Variants in B3GNT2 observed in about 807,000 individuals in gnomAD.
B3GNT2 encodes the protein N-acetyllactosaminide beta-1,3-N-acetylglucosaminyltransferase 2.
A neutral mutation model predicts 27.6 loss-of-function variants in B3GNT2; 12 were observed. The ratio of observed to expected loss-of-function variants is 0.44; its 90% CI spans 0.28 to 0.71. The LOEUF (loss-of-function observed/expected upper bound fraction) is 0.71. B3GNT2 is among the 30% of genes least tolerant of loss of function. The probability of loss-of-function intolerance (pLI) is 0.17; values close to 1 mark genes in which losing one functional copy is unlikely to be tolerated. For missense variants in B3GNT2, 413 were observed against 488.5 expected (o/e 0.85, Z 1.46); for synonymous variants, 192 against 189.7 (o/e 1.01, Z -0.10).
intron 1 of B3GNT2, among the ~76,000 whole-genome samples, chr2:62,218,117 G>C (rs918575739): frequency 3.3e-5 from 5 of 152,178 alleles, no homozygotes; most frequent in Non-Finnish European, 7.3e-5. Flanking sequence ...GCTGAAGAAA[G>C]GACATTGGAA....
chr2:62,209,378 T>A lies in B3GNT2; in HGVS notation c.-9-12834T>A, dbSNP rs148917922. ...GCTGTAAAAGAGATATTAGAGTGGA[T>A]GGTCTGTAAGGCCCTGGGAAAGAAA... On this transcript the variant is annotated intron_variant, in intron 1 of 1. Coordinates refer to ENST00000301998, the MANE Select transcript of B3GNT2 (RefSeq NM_006577.6). Among the ~76,000 whole-genome samples, 386 of 152,270 alleles carry A rather than the reference T, an allele frequency of 2.5e-3. 1 individual carries two copies. The highest frequency in any genetic ancestry group is 9.0e-3 in the African/African-American group (376 of 41,548).
intron 1 of B3GNT2, among the ~76,000 whole-genome samples, chr2:62,207,459 T>G (rs1328621094): frequency 2.6e-5 from 4 of 152,090 alleles, no homozygotes; most frequent in Non-Finnish European, 2.9e-5. Context: ...AGGCAGTGGT[T>G]GTTTTGAAAG....
rs1214945303 is a variant in B3GNT2 at position 62,224,175 on chromosome 2, G to A, written c.*761G>A. 1 of 167,028 alleles carries A rather than the reference G, an allele frequency of 6.0e-6. No individual in the cohort carries two copies. Among genetic ancestry groups the A allele is most frequent in the Non-Finnish European group, 1.5e-5 (1 of 68,106 alleles). The allele number at this position is 167,028 out of a possible 1,614,324, so 10.3% of individuals were successfully genotyped here. A position where few individuals can be genotyped will look rare whatever the true frequency, so the allele number is the denominator to read the frequency against. On this transcript the variant is annotated 3_prime_UTR_variant, in exon 2 of 2. Transcript: ENST00000301998. ...ATGGCCAACTGAAGATTGAATTGCCGCTAACAACCATATCGTGTTAGTGAA... is the reference window on the plus strand; with the variant it reads ...ATGGCCAACTGAAGATTGAATTGCCACTAACAACCATATCGTGTTAGTGAA...
At chr2:62,202,895 C>T (rs929586521) in intron 1 of B3GNT2, among the ~76,000 whole-genome samples, 1 of 152,184 alleles carries the variant, frequency 6.6e-6, no homozygotes, top group African/African-American at 2.4e-5. Context: ...TCACTCCAGG[C>T]ACAAGGCCCC....
rs1271235668 is a variant in B3GNT2, at chr2:62,223,755, C to T, written c.*341C>T. On this transcript the variant is annotated 3_prime_UTR_variant, in exon 2 of 2. Coordinates refer to ENST00000301998, the MANE Select transcript of B3GNT2 (RefSeq NM_006577.6). ...CCCTCTTCTATAATATTCCTACTTCCCATAATAATGACTGATTTATTTGTA... is the reference window on the plus strand; with the variant it reads ...CCCTCTTCTATAATATTCCTACTTCTCATAATAATGACTGATTTATTTGTA... The T allele has an allele frequency of 5.0e-6, 1 of 199,896 alleles. No individual in the cohort carries two copies. Among genetic ancestry groups the T allele is most frequent in the Non-Finnish European group, 1.1e-5 (1 of 89,312 alleles). The allele number at this position is 199,896 out of a possible 1,614,324, so 12.4% of individuals were successfully genotyped here. A position where few individuals can be genotyped will look rare whatever the true frequency, so the allele number is the denominator to read the frequency against.
intron 1 of B3GNT2, among the ~76,000 whole-genome samples, chr2:62,217,343 C>T (rs1674594891): frequency 6.6e-6 from 1 of 152,204 alleles, no homozygotes; most frequent in Non-Finnish European, 1.5e-5. Flanking sequence ...AGCTGTGTGA[C>T]ATTGGACAAG....
At chr2:62,217,373 AC>A (rs1475460623) in intron 1 of B3GNT2, among the ~76,000 whole-genome samples, 1 of 151,928 alleles carries the variant, frequency 6.6e-6, no homozygotes, top group Non-Finnish European at 1.5e-5. Context: ...TTGTCCACCC[AC>A]CCCGTGCCCC....
At chr2:62,209,438 C>T (rs1674439597) in intron 1 of B3GNT2, among the ~76,000 whole-genome samples, 1 of 152,044 alleles carries the variant, frequency 6.6e-6, no homozygotes, top group Non-Finnish European at 1.5e-5. Flanking sequence ...GAAATTGGGT[C>T]ACAATCTATG....
chr2:62,223,117 C>T lies in B3GNT2; in HGVS notation c.897C>T (p.Leu299=), dbSNP rs988654547. 10 of 1,614,096 alleles carry T rather than the reference C, an allele frequency of 6.2e-6. No homozygotes were observed. The highest frequency in any genetic ancestry group is 8.5e-6 in the Non-Finnish European group (10 of 1,180,036). Residue 299 remains leucine, a synonymous_variant, in exon 2 of 2, where the codon CTC becomes CTT. Transcript: ENST00000301998. ...TCCCAGAAGTTGTTTACTCTGGCCT[C>T]TACCCACCCTATGCAGGGGGAGGGG... ...YYIPEVVYSG[L]YPPYAGGGGF...
chr2:62,202,323 A>C (rs938834172), intron 1 of B3GNT2, among the ~76,000 whole-genome samples: 1 of 152,238 alleles, frequency 6.6e-6, no homozygotes, highest in African/African-American at 2.4e-5. Flanking sequence ...ATAACATTTC[A>C]GAGGCAGAGA....
At chr2:62,203,241 T>G (rs932471221) in intron 1 of B3GNT2, among the ~76,000 whole-genome samples, 2 of 151,948 alleles carry the variant, frequency 1.3e-5, no homozygotes, top group African/African-American at 4.8e-5. Context: ...TGTATGTGTG[T>G]TGTTTGGAAG....
chr2:62,210,605 C>G (rs1406607422), intron 1 of B3GNT2, among the ~76,000 whole-genome samples: 1 of 151,924 alleles, frequency 6.6e-6, no homozygotes, highest in Non-Finnish European at 1.5e-5. Context: ...CCCATCTCTA[C>G]TAAATAATAC....
At chr2:62,197,829 G>A (rs1273650264) in intron 1 of B3GNT2, among the ~76,000 whole-genome samples, 1 of 152,228 alleles carries the variant, frequency 6.6e-6, no homozygotes, top group Non-Finnish European at 1.5e-5. Flanking sequence ...CCGGAGGGAG[G>A]ACCGGCAGGG....
intron 1 of B3GNT2, among the ~76,000 whole-genome samples, chr2:62,216,985 G>A (rs984645825): frequency 2.6e-5 from 4 of 152,214 alleles, no homozygotes; most frequent in Admixed American, 2.6e-4. Flanking sequence ...GGGAACCTGG[G>A]ACTCTCAAAG....
chr2:62,203,404 G>A (rs934500194), intron 1 of B3GNT2, among the ~76,000 whole-genome samples: 24 of 152,250 alleles, frequency 1.6e-4, no homozygotes, highest in African/African-American at 5.3e-4. Context: ...ACAAGAATAG[G>A]GGGTAAGGGA....
chr2:62,222,232 A>T lies in B3GNT2; in HGVS notation c.12A>T (p.Gly4=), dbSNP rs139647267. The T allele has an allele frequency of 6.2e-7, 1 of 1,602,234 alleles. No homozygotes were observed. The highest frequency in any genetic ancestry group is 1.3e-5 in the African/African-American group (1 of 74,264). The change falls in exon 2 of 2, where the codon GGA becomes GGT. Residue 4 remains glycine, a synonymous_variant. Coordinates refer to ENST00000301998, the MANE Select transcript of B3GNT2 (RefSeq NM_006577.6). The surrounding 1 kb of genome is among the most constrained non-coding windows in gnomAD (Gnocchi z 4.2). MSV[G]RRRIKLLGIL... ...TCCAGATATGAGAAATGAGTGTTGGACGTCGAAGAATAAAGTTGTTGGGTA... is the reference window on the plus strand; with the variant it reads ...TCCAGATATGAGAAATGAGTGTTGGTCGTCGAAGAATAAAGTTGTTGGGTA...
intron 1 of B3GNT2, among the ~76,000 whole-genome samples, chr2:62,197,110 G>A (rs1674164188): frequency 6.6e-6 from 1 of 152,106 alleles, no homozygotes; most frequent in South Asian, 2.1e-4. Flanking sequence ...GGTGGGGCGG[G>A]GTGGGGTGGG....
At chr2:62,221,757 A>C (rs1295031650) in intron 1 of B3GNT2, 1 of 485,028 alleles carries the variant, frequency 2.1e-6, no homozygotes, top group African/African-American at 2.0e-5. Context: ...ATGTATGTGT[A>C]TACTAAACAC....
chr2:62,214,574 G>T (rs1674536896), intron 1 of B3GNT2, among the ~76,000 whole-genome samples: 1 of 152,186 alleles, frequency 6.6e-6, no homozygotes, highest in African/African-American at 2.4e-5. Context: ...GATGCTCATG[G>T]CATTGAATGG....
Sources: gnomAD v4.1 joint callset for allele counts (sites outside exome capture counted in the v4.1 genomes callset) on GRCh38, gnomAD v4.1.1 for gene constraint, Gnocchi (gnomAD v3.1) non-coding constraint, MANE v1.5 for transcripts, NCBI Gene and HGNC (gene_info 2026-07-23, HGNC 2026-07-21) for gene names.